ACSL1: variants seen among roughly 807,000 people sequenced by gnomAD.
ACSL1 encodes the protein long-chain-fatty-acid--CoA ligase 1.
In ACSL1, 41 loss-of-function variants were observed where a neutral mutation model predicts 98.4. The ratio of observed to expected loss-of-function variants is 0.42; its 90% CI spans 0.32 to 0.54. The LOEUF (loss-of-function observed/expected upper bound fraction) is 0.54, where lower values mean the gene tolerates loss of function less well. ACSL1 is among the 20% of genes least tolerant of loss of function. The pLI, the probability that ACSL1 is intolerant of heterozygous loss-of-function variation, is 0.13. For synonymous variants in ACSL1, 316 were observed against 322.7 expected (o/e 0.98, Z 0.22); for missense variants, 734 against 883.1 (o/e 0.83, Z 2.14).
At position 184,760,423 on chromosome 4, in the gene ACSL1, C is replaced by A. The variant is rs778836862; in HGVS notation, c.1716G>T (p.Lys572Asn). The A allele has an allele frequency of 6.2e-7, 1 of 1,614,174 alleles. No individual in the cohort carries two copies. The highest frequency in any genetic ancestry group is 8.5e-7 in the Non-Finnish European group (1 of 1,180,036). ...LAQGEYIAPEKIENIYMRSEP... is the reference protein window; with the variant it reads ...LAQGEYIAPENIENIYMRSEP... ...CACTTCGCATGTAGATATTTTCAAT[C>A]TTTTCAGGGGCTATGTATTCTCCTT... Residue 572 changes from lysine to asparagine, a missense_variant, in exon 18 of 21, where the codon AAG (lysine) becomes AAT (asparagine). By Grantham distance (94) the Lys-to-Asn change is moderately conservative. Coordinates refer to ENST00000281455, the MANE Select transcript of ACSL1 (RefSeq NM_001995.5).
intron 3 of ACSL1, among the ~76,000 whole-genome samples, chr4:184,785,344 T>C (rs536273285): frequency 1.3e-5 from 2 of 152,248 alleles, no homozygotes; most frequent in African/African-American, 4.8e-5. Context: ...GGCCTCAGTA[T>C]TTTTTAGAAG....
At chr4:184,787,730 G>A (rs914750376) in intron 3 of ACSL1, among the ~76,000 whole-genome samples, 1 of 152,144 alleles carries the variant, frequency 6.6e-6, no homozygotes, top group Non-Finnish European at 1.5e-5. Context: ...TGGGCGTGGT[G>A]GTGCATGCCT....
At chr4:184,786,825 C>T (rs1184132086) in intron 3 of ACSL1, among the ~76,000 whole-genome samples, 5 of 151,622 alleles carry the variant, frequency 3.3e-5, no homozygotes, top group African/African-American at 1.2e-4. Context: ...TCCTGAGTAG[C>T]GGGGGTTACA....
intron 12 of ACSL1, 124 bp downstream of exon 12, chr4:184,768,192 G>T: frequency 9.5e-7 from 1 of 1,048,442 alleles, no homozygotes; most frequent in Non-Finnish European, 1.3e-6. Context: ...GTAAACTGAA[G>T]TTCTGTAAGA....
chr4:184,792,676 G>A (rs1415516392), intron 2 of ACSL1, among the ~76,000 whole-genome samples: 1 of 152,118 alleles, frequency 6.6e-6, no homozygotes, highest in Non-Finnish European at 1.5e-5. Flanking sequence ...TGGGCTCAAG[G>A]GATCCTTCCG....
chr4:184,791,001 G>A lies in ACSL1; in HGVS notation c.196-2270C>T, dbSNP rs563560273. 1.8e-4 allele frequency among the ~76,000 whole-genome samples: 27 copies of A among 152,344 alleles called. No homozygotes were observed. The South Asian group carries it at 5.6e-3, about 32-fold the overall frequency. On this transcript the variant is annotated intron_variant, in intron 2 of 20. Transcript: ENST00000281455. ...ATGAGAGAAAACAGGAAGAATGAGTGGGTGTGAAAAGAGATAAGAAAAGTA... is the reference window on the plus strand; with the variant it reads ...ATGAGAGAAAACAGGAAGAATGAGTAGGTGTGAAAAGAGATAAGAAAAGTA...
chr4:184,813,425 G>T (rs1280476696), intron 1 of ACSL1, among the ~76,000 whole-genome samples: 1 of 152,178 alleles, frequency 6.6e-6, no homozygotes, highest in Non-Finnish European at 1.5e-5. Flanking sequence ...GAGACAAAAA[G>T]ATCCGCTTTT....
chr4:184,783,634 G>A (rs1766704100), intron 4 of ACSL1, among the ~76,000 whole-genome samples: 1 of 152,202 alleles, frequency 6.6e-6, no homozygotes, highest in Admixed American at 6.5e-5. Flanking sequence ...ATGCTATGCC[G>A]CCAGGGGGAC....
chr4:184,778,640 T>TA (rs1765699403), intron 5 of ACSL1, among the ~76,000 whole-genome samples: 1 of 152,180 alleles, frequency 6.6e-6, no homozygotes, highest in Non-Finnish European at 1.5e-5. Flanking sequence ...TGTCTTGCCT[T>TA]ACGTGGTACC....
chr4:184,776,418 A>G lies in ACSL1; in HGVS notation c.756+66T>C, dbSNP rs1464372345. ...ACCATAGCACTAGATAGCACTGGAT[A>G]GCACGTGTGAGCCAACACGGCCCCA... is the stretch of plus-strand genomic sequence containing the variant. On this transcript the variant is annotated intron_variant, in intron 7 of 20. Transcript: ENST00000281455. 2.1e-5 allele frequency: 32 copies of G among 1,544,684 alleles called. No individual in the cohort carries two copies. The Middle Eastern group carries it at 7.1e-4, about 34-fold the overall frequency.
chr4:184,813,519 C>G (rs57312398), intron 1 of ACSL1: 9 of 194,046 alleles, frequency 4.6e-5, no homozygotes, highest in African/African-American at 2.1e-4. Flanking sequence ...TGGATCAATA[C>G]GGCATGTTAT....
intron 2 of ACSL1, among the ~76,000 whole-genome samples, chr4:184,789,883 CTT>C (rs11309893): frequency 0.038 from 5,614 of 146,276 alleles, 219 homozygotes; most frequent in African/African-American, 0.097. Flanking sequence ...TAGAGCCTAC[CTT>C]TTTTTTTTTT....
At position 184,825,234 on chromosome 4, in the gene ACSL1, CG is replaced by C; in HGVS notation, c.-33+681del. The C allele has an allele frequency of 1.0e-6, 1 of 985,426 alleles. No individual in the cohort carries two copies. Among genetic ancestry groups the C allele is most frequent in the Non-Finnish European group, 1.2e-6 (1 of 829,928 alleles). The allele number at this position is 985,426 out of a possible 1,614,324, so 61.0% of individuals were successfully genotyped here. ...ATTCAAGTCATCTACCGCCACTCTC[CG>C]TCTACGCTGCCAGGTGACAGACATC... is the stretch of plus-strand genomic sequence containing the variant. On this transcript the variant is annotated intron_variant, in intron 1 of 20. Coordinates refer to ENST00000281455, the MANE Select transcript of ACSL1 (RefSeq NM_001995.5). This position sits in a 1 kb window ranked among gnomAD's most constrained non-coding sequence, Gnocchi z 4.7.
intron 1 of ACSL1, among the ~76,000 whole-genome samples, chr4:184,815,673 C>A (rs1203254302): frequency 6.6e-6 from 1 of 152,100 alleles, no homozygotes; most frequent in African/African-American, 2.4e-5. Context: ...AGACTGATAA[C>A]CACAGAAATG....
At position 184,763,137 on chromosome 4, in the gene ACSL1, G is replaced by A. The variant is rs757340868; in HGVS notation, c.1521+30C>T. ...GCCAGCGATCACAGGAAATGGCAGCGAGGGAAAATGACTGACGGTTTTCAC... is the reference window on the plus strand; with the variant it reads ...GCCAGCGATCACAGGAAATGGCAGCAAGGGAAAATGACTGACGGTTTTCAC... On this transcript the variant is annotated intron_variant, in intron 16 of 20. Transcript: ENST00000281455. The A allele has an allele frequency of 7.5e-6, 12 of 1,607,418 alleles. No homozygotes were observed. In the East Asian group the frequency reaches 8.9e-5, roughly 12 times the overall value.
At chr4:184,781,860 G>T (rs921261327) in intron 4 of ACSL1, among the ~76,000 whole-genome samples, 6 of 152,110 alleles carry the variant, frequency 3.9e-5, no homozygotes, top group African/African-American at 1.4e-4. Flanking sequence ...ATCTGCCCCC[G>T]TCGGCCTCCC....
chr4:184,766,857 A>C lies in ACSL1; in HGVS notation c.1129-101T>G. 1 of 1,336,604 alleles carries C rather than the reference A, an allele frequency of 7.5e-7. No individual in the cohort carries two copies. Among genetic ancestry groups the C allele is most frequent in the East Asian group, 2.5e-5 (1 of 40,548 alleles). 82.8% of individuals were successfully genotyped at this position (1,336,604 alleles called of 1,614,324 possible). A position where few individuals can be genotyped will look rare whatever the true frequency, so the allele number is the denominator to read the frequency against. ...CCCTCACACACAGCTGGGGAACACA[A>C]AATGGCACAGCTGCTCTGACAGCCT... On this transcript the variant is annotated intron_variant, in intron 12 of 20. Transcript: ENST00000281455. The surrounding 1 kb of genome is among the most constrained non-coding windows in gnomAD (Gnocchi z 4.8).
At chr4:184,806,685 TA>T (rs945407919) in intron 1 of ACSL1, among the ~76,000 whole-genome samples, 99 of 149,666 alleles carry the variant, frequency 6.6e-4, no homozygotes, top group African/African-American at 2.1e-3. Context: ...AAGAACACTT[TA>T]AAAAAAAAAC....
chr4:184,766,802 C>T lies in ACSL1; in HGVS notation c.1129-46G>A. 1 of 1,582,728 alleles carries T rather than the reference C, an allele frequency of 6.3e-7. No homozygotes were observed. The highest frequency in any genetic ancestry group is 8.6e-7 in the Non-Finnish European group (1 of 1,157,996). ...AAAGTTTTCACACCTACTAGGATGG[C>T]CAGAGTCAAAGAGTGTGGAGAAATC... On this transcript the variant is annotated intron_variant, in intron 12 of 20. Transcript: ENST00000281455. The surrounding 1 kb of genome is among the most constrained non-coding windows in gnomAD (Gnocchi z 4.8).
Sources: gnomAD v4.1 joint callset for allele counts (sites outside exome capture counted in the v4.1 genomes callset) on GRCh38, gnomAD v4.1.1 for gene constraint, Gnocchi (gnomAD v3.1) non-coding constraint, MANE v1.5 for transcripts, NCBI Gene and HGNC (gene_info 2026-07-23, HGNC 2026-07-21) for gene names.